CNTNAP5: variants seen among roughly 807,000 people sequenced by gnomAD.
CNTNAP5 encodes contactin-associated protein-like 5.
CNTNAP5 carries 72 observed loss-of-function variants against 150.2 expected under a neutral mutation model. The ratio of observed to expected loss-of-function variants is 0.48; its 90% CI spans 0.40 to 0.58. CNTNAP5 has a LOEUF of 0.58. Among genes scored for constraint, CNTNAP5 ranks in the 20% least tolerant of loss-of-function variants. The probability of loss-of-function intolerance (pLI) is 0.00; values close to 1 mark genes in which losing one functional copy is unlikely to be tolerated. For missense variants in CNTNAP5, 1,636 were observed against 1,626.2 expected (o/e 1.01, Z -0.10); for synonymous variants, 672 against 619.8 (o/e 1.08, Z -1.25).
intron 1 of CNTNAP5, among the ~76,000 whole-genome samples, chr2:124,168,257 C>A (rs1573806296): frequency 6.6e-6 from 1 of 152,136 alleles, no homozygotes; most frequent in East Asian, 1.9e-4. Context: ...CTGATCATTT[C>A]CTAACAAATT....
At chr2:124,405,334 G>A (rs967836755) in intron 3 of CNTNAP5, among the ~76,000 whole-genome samples, 4 of 152,262 alleles carry the variant, frequency 2.6e-5, no homozygotes, top group South Asian at 2.1e-4. Flanking sequence ...TGATAAGTGG[G>A]ACAAAGTGAA....
At chr2:124,444,853 C>CTA in intron 5 of CNTNAP5, among the ~76,000 whole-genome samples, 1 of 152,242 alleles carries the variant, frequency 6.6e-6, no homozygotes, top group East Asian at 1.9e-4. Context: ...CCTCAGGTTT[C>CTA]AGCCTGTCCC....
intron 21 of CNTNAP5, among the ~76,000 whole-genome samples, chr2:124,873,154 A>G (rs1177176498): frequency 6.6e-6 from 1 of 152,096 alleles, no homozygotes. Flanking sequence ...AAGTAATGGC[A>G]GGAGACAAAG....
intron 11 of CNTNAP5, among the ~76,000 whole-genome samples, chr2:124,585,669 CT>C (rs33978614): frequency 3.1e-3 from 205 of 66,386 alleles, no homozygotes; most frequent in Admixed American, 8.9e-3. Flanking sequence ...GAGCTTGAAG[CT>C]TTTTTTTTTT....
At chr2:124,100,263 C>T (rs1233898336) in intron 1 of CNTNAP5, among the ~76,000 whole-genome samples, 1 of 152,032 alleles carries the variant, frequency 6.6e-6, no homozygotes, top group African/African-American at 2.4e-5. Context: ...GAAGATGGTG[C>T]TAAACTGCTC....
chr2:124,467,805 A>G (rs1428274882), intron 6 of CNTNAP5, among the ~76,000 whole-genome samples: 1 of 152,194 alleles, frequency 6.6e-6, no homozygotes, highest in Non-Finnish European at 1.5e-5. Context: ...AATGCACATA[A>G]AAACGGTTTT....
chr2:124,542,343 A>T (rs1333029242), intron 10 of CNTNAP5, among the ~76,000 whole-genome samples: 1 of 150,848 alleles, frequency 6.6e-6, no homozygotes, highest in African/African-American at 2.4e-5. Context: ...GAAGCTCAAG[A>T]GCAAGAGAGC....
intron 1 of CNTNAP5, among the ~76,000 whole-genome samples, chr2:124,057,955 A>G (rs1302526920): frequency 6.6e-6 from 1 of 152,130 alleles, no homozygotes; most frequent in Non-Finnish European, 1.5e-5. Context: ...AAATATATAC[A>G]CCTACTATGT....
chr2:124,654,689 C>T (rs1343928400), intron 13 of CNTNAP5, among the ~76,000 whole-genome samples: 1 of 152,084 alleles, frequency 6.6e-6, no homozygotes. Flanking sequence ...TCTATGGCAC[C>T]ACCTCTGCTC....
At chr2:124,879,418 A>G (rs1232198396) in intron 21 of CNTNAP5, among the ~76,000 whole-genome samples, 2 of 152,152 alleles carry the variant, frequency 1.3e-5, no homozygotes, top group Non-Finnish European at 2.9e-5. Flanking sequence ...AATGTTGTGC[A>G]GCTAGCTGCC....
At chr2:124,427,024 C>T (rs1298277428) in intron 4 of CNTNAP5, among the ~76,000 whole-genome samples, 6 of 152,046 alleles carry the variant, frequency 3.9e-5, no homozygotes, top group African/African-American at 1.2e-4. Context: ...TAACAAACCA[C>T]GAATTGAATT....
rs1405509865 is a variant in CNTNAP5, at chr2:124,552,365, C to A, written c.1650-10852C>A. Among the ~76,000 whole-genome samples, 3 of 152,158 alleles carry A rather than the reference C, an allele frequency of 2.0e-5. No individual in the cohort carries two copies. The East Asian group carries it at 5.8e-4, about 29-fold the overall frequency. Reference sequence around the variant, plus strand: ...GACAGCTGCATCCAGGCAGTGACACCAGGACAGGCCTGGCATCTCATGGGG... The same window carrying A: ...GACAGCTGCATCCAGGCAGTGACACAAGGACAGGCCTGGCATCTCATGGGG... On this transcript the variant is annotated intron_variant, in intron 10 of 23. Coordinates refer to ENST00000682447, the MANE Select transcript of CNTNAP5 (RefSeq NM_001367498.1).
At chr2:124,368,921 G>A (rs1690446859) in intron 3 of CNTNAP5, among the ~76,000 whole-genome samples, 1 of 152,190 alleles carries the variant, frequency 6.6e-6, no homozygotes, top group African/African-American at 2.4e-5. Flanking sequence ...AAGGTTGGAA[G>A]AGAAATCTAC....
chr2:124,547,252 G>A (rs1431866480), intron 10 of CNTNAP5, among the ~76,000 whole-genome samples: 2 of 152,162 alleles, frequency 1.3e-5, no homozygotes, highest in South Asian at 4.1e-4. Flanking sequence ...AGGAGTAGCA[G>A]GAGAGAGTAA....
intron 3 of CNTNAP5, among the ~76,000 whole-genome samples, chr2:124,285,152 G>C (rs1688116025): frequency 6.6e-6 from 1 of 152,140 alleles, no homozygotes; most frequent in Admixed American, 6.6e-5. Context: ...GCTTTAGTTT[G>C]TAAGATCCCA....
chr2:124,053,668 A>C (rs1171557746), intron 1 of CNTNAP5, among the ~76,000 whole-genome samples: 2 of 152,216 alleles, frequency 1.3e-5, no homozygotes, highest in African/African-American at 4.8e-5. Flanking sequence ...CACCTAGTAC[A>C]GTGTCAGGTA....
chr2:124,348,540 T>A (rs2104699685), intron 3 of CNTNAP5, among the ~76,000 whole-genome samples: 1 of 152,294 alleles, frequency 6.6e-6, no homozygotes, highest in African/African-American at 2.4e-5. Context: ...AGTTTGCTAA[T>A]TACTAAAACT....
chr2:124,201,552 T>C (rs1685726839), intron 1 of CNTNAP5, among the ~76,000 whole-genome samples: 2 of 152,256 alleles, frequency 1.3e-5, no homozygotes, highest in Admixed American at 1.3e-4. Context: ...AAAACCCTGC[T>C]TCTTTTAACA....
chr2:124,793,570 T>A (rs904262866), intron 18 of CNTNAP5, among the ~76,000 whole-genome samples: 6 of 152,188 alleles, frequency 3.9e-5, no homozygotes, highest in African/African-American at 1.4e-4. Context: ...CTTTTTTATT[T>A]ATACATTTAG....
Sources: allele counts gnomAD v4.1 joint callset (sites outside exome capture counted in the v4.1 genomes callset), GRCh38; gene constraint gnomAD v4.1.1; transcripts MANE v1.5; gene names NCBI Gene and HGNC (gene_info 2026-07-23, HGNC 2026-07-21).